Variants in DTNA observed in about 807,000 individuals in gnomAD.
DTNA encodes dystrophin-related protein 3.
Under a neutral mutation model 100.7 loss-of-function variants are expected in DTNA, and 43 were observed. The ratio of observed to expected loss-of-function variants is 0.43; its 90% CI spans 0.33 to 0.55. The LOEUF is 0.55. Among genes scored for constraint, DTNA ranks in the 20% least tolerant of loss-of-function variants. The pLI is 0.04. For missense variants in DTNA, 798 were observed against 953.9 expected, an observed-to-expected ratio of 0.84 and a Z score of 2.15; for synonymous variants, 349 against 347.9, an observed-to-expected ratio of 1.00 and a Z score of -0.04.
intron 17 of DTNA, chr18:34,868,416 A>G (rs1397791815): frequency 9.5e-6 from 9 of 948,256 alleles, no homozygotes; most frequent in Non-Finnish European, 1.0e-5. Context: ...AAATAAACAA[A>G]TGCTGTCCAA....
rs2043526152 is a variant in DTNA at position 34,534,860 on chromosome 18, T to G, written c.-2+41346T>G. Among the ~76,000 whole-genome samples the G allele has an allele frequency of 2.0e-5, 3 of 152,172 alleles. 1 individual carries two copies. In the South Asian group the frequency reaches 6.2e-4, roughly 32 times the overall value. Reference sequence around the variant, plus strand: ...TGGCTGCATAGTATTCCATGGTATATATGTGCCACATTTTCTTTATCCAGT... The same window carrying G: ...TGGCTGCATAGTATTCCATGGTATAGATGTGCCACATTTTCTTTATCCAGT... On this transcript the variant is annotated intron_variant, in intron 1 of 19. Coordinates refer to the DTNA transcript ENST00000283365.
chr18:34,810,558 G>C (rs997667081), intron 5 of DTNA, among the ~76,000 whole-genome samples: 1 of 151,466 alleles, frequency 6.6e-6, no homozygotes, highest in African/African-American at 2.4e-5. Flanking sequence ...AGGTTGGGGG[G>C]ATAGGGAGAG....
intron 1 of DTNA, among the ~76,000 whole-genome samples, chr18:34,532,425 G>A (rs2043230540): frequency 6.6e-6 from 1 of 152,062 alleles, no homozygotes; most frequent in South Asian, 2.1e-4. Flanking sequence ...GTGGAAAACT[G>A]CTCTAAGTTA....
In DTNA at chr18:34,815,957, C is replaced by A. The variant is rs1343872288; in HGVS notation, c.652C>A (p.Pro218Thr). Residue 218 changes from proline (P) to threonine (T), a missense_variant, in exon 7 of 23, where the codon CCC (proline) becomes ACC (threonine). By Grantham distance (38) the Pro-to-Thr change is conservative. This residue lies in a region of DTNA where 81 missense variants were observed against 153.5 expected (regional missense o/e 0.53). Coordinates refer to ENST00000444659, the MANE Select transcript of DTNA (RefSeq NM_001386795.1). ...CTTGGACACGCTTATGTCAGATCCT[C>A]CCCCGCAGTGTCTGGTCTGGTTGCC... is the stretch of plus-strand genomic sequence containing the variant. The part of the protein sequence containing the change: ...GFLDTLMSDP[P>T]PQCLVWLPLL... 5.6e-6 allele frequency: 9 copies of A among 1,613,672 alleles called. No homozygotes were observed. The highest frequency in any genetic ancestry group is 6.8e-6 in the Non-Finnish European group (8 of 1,179,808).
At chr18:34,829,293 G>A (rs2095941587) in intron 10 of DTNA, 107 bp from the exon 11 acceptor site, 1 of 1,520,944 alleles carries the variant, frequency 6.6e-7, no homozygotes, top group Non-Finnish European at 8.8e-7. Flanking sequence ...TCTGTTTTGA[G>A]GGTGCTGTTC....
rs973791827 is a variant in DTNA at position 34,858,906 on chromosome 18, C to T, written c.1646+508C>T. ...GATTACAGGCGTGCGCCACCACACC[C>T]GGCCAGCAGTGTTCTTTACATCAAA... On this transcript the variant is annotated intron_variant, in intron 16 of 22. Coordinates refer to ENST00000444659, the MANE Select transcript of DTNA (RefSeq NM_001386795.1). Among the ~76,000 whole-genome samples the T allele has an allele frequency of 7.2e-5, 11 of 152,156 alleles. 1 individual carries two copies. The highest frequency in any genetic ancestry group is 3.8e-4 in the East Asian group (2 of 5,196).
At chr18:34,818,699 A>T in intron 8 of DTNA, 2 of 1,052,068 alleles carry the variant, frequency 1.9e-6, no homozygotes, top group Non-Finnish European at 2.4e-6. Context: ...CTTAAAAATT[A>T]TTGTTAGTTT....
chr18:34,536,381 T>C (rs1432326135), intron 1 of DTNA, among the ~76,000 whole-genome samples: 5 of 152,020 alleles, frequency 3.3e-5, no homozygotes, highest in Non-Finnish European at 7.4e-5. Flanking sequence ...AGTAAACTTT[T>C]ATTAGATGAT....
In DTNA at chr18:34,803,769, C is replaced by T. The variant is rs139215723; in HGVS notation, c.363-2450C>T. Among the ~76,000 whole-genome samples, 360 of 152,294 alleles carry T rather than the reference C, an allele frequency of 2.4e-3. 6 individuals are homozygous for T. The highest frequency in any genetic ancestry group is 7.9e-3 in the African/African-American group (329 of 41,558). ...GAGGACAGGAATGCTTTTGAATAGG[C>T]TGGTTTTTACAAAATCATTGCATTT... is the stretch of plus-strand genomic sequence containing the variant. On this transcript the variant is annotated intron_variant, in intron 4 of 22. Transcript: ENST00000444659.
chr18:34,598,431 T>C (rs1274972726), intron 1 of DTNA, among the ~76,000 whole-genome samples: 1 of 152,196 alleles, frequency 6.6e-6, no homozygotes, highest in East Asian at 1.9e-4. Flanking sequence ...ATGAAAATTA[T>C]CTCATTGCAT....
At chr18:34,868,299 A>G in intron 17 of DTNA, 1 of 270,874 alleles carries the variant, frequency 3.7e-6, no homozygotes, top group Non-Finnish European at 5.7e-6. Context: ...ATAGAAAAGG[A>G]AAAAAAGCAG....
chr18:34,847,708 T>G (rs143365390), intron 13 of DTNA, among the ~76,000 whole-genome samples: 90 of 152,282 alleles, frequency 5.9e-4, no homozygotes, highest in Non-Finnish European at 1.1e-3. Flanking sequence ...CCAAGAGAGC[T>G]AAAGAGAAAA....
In DTNA at chr18:34,761,451, G is replaced by C. The variant is rs1353362957; in HGVS notation, c.68-4510G>C. On this transcript the variant is annotated intron_variant, in intron 2 of 22. Coordinates refer to ENST00000444659, the MANE Select transcript of DTNA (RefSeq NM_001386795.1). ...TGATTTGTTGGTTGATTGGTTGTTT[G>C]AATGAACAAATGAATGGGTAGGGAA... 2.6e-5 allele frequency among the ~76,000 whole-genome samples: 4 copies of C among 152,134 alleles called. No individual in the cohort carries two copies. In the South Asian group the frequency reaches 8.3e-4, roughly 31 times the overall value.
intron 9 of DTNA, chr18:34,822,403 C>G (rs1026999442): frequency 6.6e-6 from 1 of 152,192 alleles, no homozygotes; most frequent in African/African-American, 2.4e-5. Flanking sequence ...CCTACCAGCC[C>G]TGCTGGGAGT....
intron 1 of DTNA, among the ~76,000 whole-genome samples, chr18:34,732,777 G>A (rs1311950251): frequency 6.6e-6 from 1 of 152,166 alleles, no homozygotes; most frequent in African/African-American, 2.4e-5. Context: ...TTCAATTTCA[G>A]ATAAATGGTG....
chr18:34,644,918 G>A (rs894373373), intron 1 of DTNA, among the ~76,000 whole-genome samples: 2 of 152,048 alleles, frequency 1.3e-5, no homozygotes, highest in African/African-American at 2.4e-5. Flanking sequence ...ATATTTTAAT[G>A]TATACTAAGT....
chr18:34,794,041 C>G lies in DTNA; in HGVS notation c.153C>G (p.His51Gln), dbSNP rs756884885. 4 of 1,613,824 alleles carry G rather than the reference C, an allele frequency of 2.5e-6. No individual in the cohort carries two copies. The highest frequency in any genetic ancestry group is 3.4e-6 in the Non-Finnish European group (4 of 1,179,886). ...TTAACTCTGCTTTAATTGTAGTGCA[C>G]CTGGTGGACATATGGAATGTCATAG... ...LRFVQKKCNL[H>Q]LVDIWNVIEA... Residue 51 changes from histidine (H) to glutamine (Q), a missense_variant, in exon 4 of 23, where the codon CAC (histidine) becomes CAG (glutamine). Around this residue, in one of 6 missense-constraint regions of DTNA, gnomAD observed 197 missense variants for 215.4 expected, o/e 0.91. Transcript: ENST00000444659.
chr18:34,555,514 G>A (rs1051578148), intron 1 of DTNA, among the ~76,000 whole-genome samples: 6 of 151,940 alleles, frequency 3.9e-5, no homozygotes, highest in Non-Finnish European at 5.9e-5. Context: ...TGGACATTTA[G>A]TGCTATAAAT....
At chr18:34,576,939 G>T (rs1014694410) in intron 1 of DTNA, among the ~76,000 whole-genome samples, 29 of 152,040 alleles carry the variant, frequency 1.9e-4, no homozygotes, top group Non-Finnish European at 2.6e-4. Context: ...CAGACTTCTA[G>T]GCTACAGCCT....
Sources: allele counts gnomAD v4.1 joint callset (sites outside exome capture counted in the v4.1 genomes callset), GRCh38; gene constraint gnomAD v4.1.1; regional missense constraint gnomAD v4.1.1; transcripts MANE v1.5; gene names NCBI Gene and HGNC (gene_info 2026-07-23, HGNC 2026-07-21).